Variants in SETD5 observed in about 807,000 individuals in gnomAD.
SETD5 encodes SET domain containing 5.
Under a neutral mutation model 153.3 loss-of-function variants are expected in SETD5, and 44 were observed. The ratio of observed to expected loss-of-function variants is 0.29; its 90% CI spans 0.23 to 0.37. SETD5 has a LOEUF of 0.37. SETD5 is among the 10% of genes least tolerant of loss of function. The probability of loss-of-function intolerance (pLI) is 1.00; values close to 1 mark genes in which losing one functional copy is unlikely to be tolerated. For synonymous variants in SETD5, 716 were observed against 645.2 expected (o/e 1.11, Z -1.66); for missense variants, 1,544 against 1,768.0 (o/e 0.87, Z 2.27).
intron 7 of SETD5, among the ~76,000 whole-genome samples, chr3:9,438,474 T>C (rs1279800073): frequency 6.6e-6 from 1 of 152,172 alleles, no homozygotes; most frequent in Non-Finnish European, 1.5e-5. Flanking sequence ...AAACCCCATA[T>C]TTTGCTTACA....
At chr3:9,404,766 G>A (rs1559343448) in intron 1 of SETD5, among the ~76,000 whole-genome samples, 1 of 152,162 alleles carries the variant, frequency 6.6e-6, no homozygotes, top group Non-Finnish European at 1.5e-5. Flanking sequence ...GCTCTAAGAA[G>A]TTCCTGGTAA....
intron 16 of SETD5, among the ~76,000 whole-genome samples, chr3:9,450,390 A>G (rs1170199675): frequency 1.3e-5 from 2 of 152,234 alleles, no homozygotes; most frequent in Non-Finnish European, 2.9e-5. Context: ...TCATAACAAG[A>G]CTATTTAAAT....
At position 9,473,409 on chromosome 3, in the gene SETD5, A is replaced by G. The variant is rs760944313; in HGVS notation, c.3369A>G (p.Pro1123=). 3 of 1,613,836 alleles carry G rather than the reference A, an allele frequency of 1.9e-6. No homozygotes were observed. The Admixed American group carries it at 5.0e-5, about 27-fold the overall frequency. ...TGCAGGGATCCTCAGCCCGAACTCC[A>G]TCTTCCCCTCACAAAAAATTCTCCC... The part of the protein sequence containing the change: ...HGVQGSSART[P]SSPHKKFSPS... The change falls in exon 20 of 23, where the codon CCA becomes CCG. Residue 1123 remains proline, a synonymous_variant. Transcript: ENST00000402198.
Position 9,397,737 on chromosome 3 carries a change from C to A in SETD5, c.-417C>A. 1 of 170,616 alleles carries A rather than the reference C, an allele frequency of 5.9e-6. No individual in the cohort carries two copies. The highest frequency in any genetic ancestry group is 1.7e-4 in the South Asian group (1 of 6,020). 10.6% of individuals were successfully genotyped at this position (170,616 alleles called of 1,614,324 possible). A position where few individuals can be genotyped will look rare whatever the true frequency, so the allele number is the denominator to read the frequency against. On this transcript the variant is annotated 5_prime_UTR_variant, in exon 1 of 23. Coordinates refer to ENST00000402198, the MANE Select transcript of SETD5 (RefSeq NM_001080517.3). ...CGCCTGCGCTCAGAGACTCACGCAGCCCCAGTCCCGCCAGTCCGCCAACAC... is the reference window on the plus strand; with the variant it reads ...CGCCTGCGCTCAGAGACTCACGCAGACCCAGTCCCGCCAGTCCGCCAACAC...
At chr3:9,407,324 T>A (rs1180447389) in intron 1 of SETD5, among the ~76,000 whole-genome samples, 3 of 152,124 alleles carry the variant, frequency 2.0e-5, no homozygotes, top group Non-Finnish European at 4.4e-5. Flanking sequence ...CAAGACTGTG[T>A]CTCAAATAAA....
chr3:9,434,717 T>C lies in SETD5; in HGVS notation c.330-107T>C, dbSNP rs2125099089. 1 of 1,465,900 alleles carries C rather than the reference T, an allele frequency of 6.8e-7. No homozygotes were observed. The highest frequency in any genetic ancestry group is 2.6e-5 in the Admixed American group (1 of 38,934). 90.8% of individuals were successfully genotyped at this position (1,465,900 alleles called of 1,614,324 possible). Reference sequence around the variant, plus strand: ...AATTTAATGTCCTGGAAACATTTGGTAGGTGGGAGGGAGGGGGTAGCATAT... The same window carrying C: ...AATTTAATGTCCTGGAAACATTTGGCAGGTGGGAGGGAGGGGGTAGCATAT... On this transcript the variant is annotated intron_variant, in intron 5 of 22. Transcript: ENST00000402198. This position sits in a 1 kb window ranked among gnomAD's most constrained non-coding sequence, Gnocchi z 5.6.
At chr3:9,442,045 T>C in intron 9 of SETD5, 83 bp from the exon 10 acceptor site, 1 of 922,264 alleles carries the variant, frequency 1.1e-6, no homozygotes, top group East Asian at 2.6e-5. Context: ...GCTGCTTCTC[T>C]CAGCATATGC....
Position 9,475,616 on chromosome 3 carries a change from C to G in SETD5, c.3854C>G (p.Pro1285Arg), listed in dbSNP as rs376768374. Residue 1285 changes from proline to arginine, a missense_variant, in exon 23 of 23, where the codon CCC becomes CGC. This residue lies in a region of SETD5 where 302 missense variants were observed against 277.6 expected (regional missense o/e 1.09). Transcript: ENST00000402198. ...RTTALRPGNP[P>R]SHGSSESSLS... ...ACTGCACTGAGACCTGGAAACCCCC[C>G]CTCTCACGGTTCTTCAGAATCATCC... 7 of 1,613,842 alleles carry G rather than the reference C, an allele frequency of 4.3e-6. No homozygotes were observed. The highest frequency in any genetic ancestry group is 1.7e-5 in the Admixed American group (1 of 59,998).
intron 17 of SETD5, among the ~76,000 whole-genome samples, chr3:9,457,145 G>T (rs1305360157): frequency 2.0e-5 from 3 of 152,166 alleles, no homozygotes; most frequent in Admixed American, 1.3e-4. Context: ...AATGATGTGG[G>T]TCTATTCTTA....
chr3:9,458,746 A>T (rs181735674), intron 17 of SETD5, among the ~76,000 whole-genome samples: 1 of 152,340 alleles, frequency 6.6e-6, no homozygotes, highest in Middle Eastern at 3.4e-3. Context: ...CCTGCTAGCA[A>T]TCTGATAAAA....
At chr3:9,405,853 T>G (rs1170291181) in intron 1 of SETD5, among the ~76,000 whole-genome samples, 1 of 152,240 alleles carries the variant, frequency 6.6e-6, no homozygotes, top group South Asian at 2.1e-4. Context: ...TGTCCTGTTA[T>G]GTTCTTTGGC....
At chr3:9,408,960 G>A (rs1029669282) in intron 1 of SETD5, among the ~76,000 whole-genome samples, 20 of 152,030 alleles carry the variant, frequency 1.3e-4, no homozygotes, top group Non-Finnish European at 2.5e-4. Context: ...TATAAGTGTC[G>A]TTTGACATTT....
chr3:9,418,161 G>A (rs1031742806), intron 1 of SETD5, among the ~76,000 whole-genome samples: 4 of 150,950 alleles, frequency 2.6e-5, no homozygotes, highest in Non-Finnish European at 4.4e-5. Flanking sequence ...TGTTAGCCAC[G>A]ATGGTCTCGA....
chr3:9,465,127 T>C (rs574079259), intron 18 of SETD5, among the ~76,000 whole-genome samples: 63 of 152,332 alleles, frequency 4.1e-4, no homozygotes, highest in African/African-American at 1.4e-3. Context: ...GGTATTTTCA[T>C]TGTGGCCTTA....
Position 9,437,284 on chromosome 3 carries a change from GTAT to G in SETD5, c.567+1383_567+1385del, listed in dbSNP as rs140010256. Among the ~76,000 whole-genome samples, 204 of 152,224 alleles carry G rather than the reference GTAT, an allele frequency of 1.3e-3. 4 individuals are homozygous for G. In the East Asian group the frequency reaches 0.025, roughly 18 times the overall value. ...TGTGGGCTTTAATTGCAGGACGCTT[GTAT>G]TATTGATAAGAATTACTGTTTTCTC... On this transcript the variant is annotated intron_variant, in intron 7 of 22. Transcript: ENST00000402198.
At chr3:9,442,731 G>A (rs1286012557) in intron 10 of SETD5, among the ~76,000 whole-genome samples, 1 of 152,154 alleles carries the variant, frequency 6.6e-6, no homozygotes, top group Non-Finnish European at 1.5e-5. Context: ...TGGTGGAGCT[G>A]GAAACAGCTA....
chr3:9,464,540 G>A lies in SETD5; in HGVS notation c.2592G>A (p.Lys864=), dbSNP rs1358795259. ...VTPPPPNSGS[K]SPQLATPGSS... The stretch of plus-strand genomic sequence containing the variant: ...CACCCCCTCCCAATTCAGGCTCAAA[G>A]AGTCCCCAGCTGGCCACACCTGGCT... The change falls in exon 18 of 23, where the codon AAG becomes AAA. Residue 864 remains lysine (K), a synonymous_variant. Coordinates refer to ENST00000402198, the MANE Select transcript of SETD5 (RefSeq NM_001080517.3). The A allele has an allele frequency of 1.2e-6, 2 of 1,613,928 alleles. No individual in the cohort carries two copies. Among genetic ancestry groups the A allele is most frequent in the Non-Finnish European group, 1.7e-6 (2 of 1,179,870 alleles).
At position 9,403,966 on chromosome 3, in the gene SETD5, A is replaced by G. The variant is rs532781413; in HGVS notation, c.-177+5989A>G. Among the ~76,000 whole-genome samples, 6 of 152,330 alleles carry G rather than the reference A, an allele frequency of 3.9e-5. No individual in the cohort carries two copies. The East Asian group carries it at 7.7e-4, about 20-fold the overall frequency. ...TCATTTATAGGCAAATTAGCTGGCA[A>G]TTATTTGAATTGTGATAGGATTTCT... On this transcript the variant is annotated intron_variant, in intron 1 of 22. Coordinates refer to ENST00000402198, the MANE Select transcript of SETD5 (RefSeq NM_001080517.3).
At chr3:9,423,648 A>AAT (rs2038745214) in intron 1 of SETD5, among the ~76,000 whole-genome samples, 1 of 152,226 alleles carries the variant, frequency 6.6e-6, no homozygotes, top group South Asian at 2.1e-4. Flanking sequence ...GTTTCTAAAA[A>AAT]ATAGTTTATT....
Sources: gnomAD v4.1 joint callset for allele counts (sites outside exome capture counted in the v4.1 genomes callset) on GRCh38, gnomAD v4.1.1 for gene constraint, gnomAD v4.1.1 regional missense constraint, Gnocchi (gnomAD v3.1) non-coding constraint, MANE v1.5 for transcripts, NCBI Gene and HGNC (gene_info 2026-07-23, HGNC 2026-07-21) for gene names.